EBF1: variants seen among roughly 807,000 people sequenced by gnomAD.
EBF1 encodes transcription factor COE1.
EBF1 carries 10 observed loss-of-function variants against 68.4 expected under a neutral mutation model. The ratio of observed to expected loss-of-function variants is 0.15; its 90% confidence interval spans 0.09 to 0.25. The LOEUF (loss-of-function observed/expected upper bound fraction) is 0.25. Among genes scored for constraint, EBF1 ranks in the 10% least tolerant of loss-of-function variants. The pLI, the probability that EBF1 is intolerant of heterozygous loss-of-function variation, is 1.00. For synonymous variants in EBF1, 298 were observed against 299.8 expected, an observed-to-expected ratio of 0.99 and a Z score of 0.06; for missense variants, 509 against 794.4, an observed-to-expected ratio of 0.64 and a Z score of 4.32.
chr5:158,876,212 G>A (rs572149049), intron 6 of EBF1, among the ~76,000 whole-genome samples: 1 of 152,268 alleles, frequency 6.6e-6, no homozygotes, highest in Admixed American at 6.5e-5. Context: ...TTTACAGTGA[G>A]CTTGCAATAA....
At chr5:158,865,975 A>C (rs1795797167) in intron 6 of EBF1, among the ~76,000 whole-genome samples, 1 of 152,234 alleles carries the variant, frequency 6.6e-6, no homozygotes, top group African/African-American at 2.4e-5. Context: ...GGAGGAAGTG[A>C]GTTAGAGGTT....
chr5:159,082,229 C>A (rs1245416031), intron 5 of EBF1, among the ~76,000 whole-genome samples: 2 of 152,156 alleles, frequency 1.3e-5, no homozygotes, highest in Admixed American at 6.6e-5. Context: ...CCATAGCCAA[C>A]ATACTATAAA....
intron 6 of EBF1, among the ~76,000 whole-genome samples, chr5:158,926,849 T>C (rs1241477687): frequency 6.6e-6 from 1 of 152,230 alleles, no homozygotes; most frequent in East Asian, 1.9e-4. Flanking sequence ...TCTTAATAAG[T>C]TGTCTATACA....
intron 6 of EBF1, among the ~76,000 whole-genome samples, chr5:159,045,800 T>C (rs1240634711): frequency 1.3e-5 from 2 of 152,198 alleles, no homozygotes; most frequent in African/African-American, 4.8e-5. Context: ...TAAAGTCTTA[T>C]CAAGATTAGT....
chr5:158,840,371 C>A (rs1224551723), intron 6 of EBF1, among the ~76,000 whole-genome samples: 2 of 152,154 alleles, frequency 1.3e-5, no homozygotes, highest in East Asian at 1.9e-4. Context: ...TATTTTCACT[C>A]ATACAGAGGG....
At chr5:158,946,374 T>C (rs1430630802) in intron 6 of EBF1, among the ~76,000 whole-genome samples, 1 of 152,166 alleles carries the variant, frequency 6.6e-6, no homozygotes, top group Non-Finnish European at 1.5e-5. Flanking sequence ...TTTTGCTTGG[T>C]CGTCCTTCTT....
rs144779642 is a variant in EBF1, at chr5:159,094,056, T to A, written c.411+1564A>T. ...ATGGCAGGAAAGGATATCCAGGGTA[T>A]CAAAGGCAATTTTTGAAAACAAAAC... On this transcript the variant is annotated intron_variant, in intron 4 of 15. Coordinates refer to ENST00000313708, the MANE Select transcript of EBF1 (RefSeq NM_024007.5). 1.3e-3 allele frequency among the ~76,000 whole-genome samples: 176 copies of A among 140,474 alleles called. 3 individuals are homozygous for A. The East Asian group carries it at 0.033, about 26-fold the overall frequency. The allele number at this position is 140,474 out of a possible 152,430, so 92.2% of individuals were successfully genotyped here.
chr5:158,905,787 A>G (rs1451385765), intron 6 of EBF1, among the ~76,000 whole-genome samples: 1 of 152,184 alleles, frequency 6.6e-6, no homozygotes, highest in East Asian at 1.9e-4. Flanking sequence ...AAGGCAACCC[A>G]GTGACACCAC....
At chr5:158,930,753 T>A (rs1269153734) in intron 6 of EBF1, among the ~76,000 whole-genome samples, 1 of 152,168 alleles carries the variant, frequency 6.6e-6, no homozygotes, top group Non-Finnish European at 1.5e-5. Flanking sequence ...GCCTCCATTT[T>A]ACAGATAAGG....
chr5:158,900,915 C>CAGTTGGAGAACAGCAAATCCTAGAATCTT (rs1554187052), intron 6 of EBF1, among the ~76,000 whole-genome samples: 3 of 152,158 alleles, frequency 2.0e-5, no homozygotes, highest in Non-Finnish European at 4.4e-5. Flanking sequence ...CTTCATTAGT[C>CAGTTGGAGAACAGCAAATCCTAGAATCTT]AATTGGAGAA....
chr5:158,908,213 TGTTGGGGAGGG>T (rs1469683777), intron 6 of EBF1, among the ~76,000 whole-genome samples: 88 of 152,340 alleles, frequency 5.8e-4, no homozygotes, highest in African/African-American at 1.9e-3. Context: ...TTTCCCAAAC[TGTTGGGGAGGG>T]TGTACACACC....
Position 158,774,445 on chromosome 5 carries a change from GT to G in EBF1, c.1036+2967del, listed in dbSNP as rs980406923. Reference sequence around the variant, plus strand: ...CTTTAAAAACAGCAATAAGGCCTTAGTTTGGGGTGTTACTTTTCAGCTCAAT... The same window carrying G: ...CTTTAAAAACAGCAATAAGGCCTTAGTTGGGGTGTTACTTTTCAGCTCAAT... On this transcript the variant is annotated intron_variant, in intron 10 of 15. Transcript: ENST00000313708. 2.0e-5 allele frequency among the ~76,000 whole-genome samples: 3 copies of G among 151,926 alleles called. 1 individual carries two copies. The highest frequency in any genetic ancestry group is 7.3e-5 in the African/African-American group (3 of 41,352).
chr5:158,724,826 G>A (rs1581344363), intron 11 of EBF1, among the ~76,000 whole-genome samples: 1 of 152,218 alleles, frequency 6.6e-6, no homozygotes, highest in East Asian at 1.9e-4. Context: ...AAATGAAAGT[G>A]CAGTCACTGT....
chr5:158,797,638 A>C (rs1472430611), intron 8 of EBF1, among the ~76,000 whole-genome samples: 2 of 152,236 alleles, frequency 1.3e-5, no homozygotes, highest in Non-Finnish European at 2.9e-5. Context: ...TTTTGCAAGA[A>C]GGAAAGAAAA....
At chr5:158,715,119 T>G (rs1760351956) in intron 11 of EBF1, among the ~76,000 whole-genome samples, 1 of 152,222 alleles carries the variant, frequency 6.6e-6, no homozygotes, top group Admixed American at 6.5e-5. Context: ...TTAAGCTTGA[T>G]GCATGTAAAA....
intron 9 of EBF1, among the ~76,000 whole-genome samples, chr5:158,779,976 G>A (rs1776105335): frequency 6.6e-6 from 1 of 152,164 alleles, no homozygotes; most frequent in South Asian, 2.1e-4. Context: ...AGATGAGGTA[G>A]AATCTGAATC....
At chr5:158,732,106 G>C (rs1256682022) in intron 10 of EBF1, among the ~76,000 whole-genome samples, 1 of 152,140 alleles carries the variant, frequency 6.6e-6, no homozygotes, top group East Asian at 1.9e-4. Context: ...CTCTAAGTAA[G>C]GGGTAGGTGG....
At chr5:158,898,520 T>C (rs1010759185) in intron 6 of EBF1, among the ~76,000 whole-genome samples, 18 of 152,206 alleles carry the variant, frequency 1.2e-4, no homozygotes, top group Admixed American at 3.3e-4. Context: ...GCAACTTTTA[T>C]TTTTCCAAAC....
chr5:158,833,586 G>C (rs778553017), intron 7 of EBF1, among the ~76,000 whole-genome samples: 58 of 152,152 alleles, frequency 3.8e-4, no homozygotes, highest in African/African-American at 3.1e-4. Context: ...GTAAGCCAAG[G>C]CTTTTAAAAA....
Sources: allele counts gnomAD v4.1 joint callset (sites outside exome capture counted in the v4.1 genomes callset), GRCh38; gene constraint gnomAD v4.1.1; transcripts MANE v1.5; gene names NCBI Gene and HGNC (gene_info 2026-07-23, HGNC 2026-07-21).